The following VWF variants were observed in gnomAD, a reference collection of about 807,000 sequenced individuals.
VWF encodes the protein Factor VIII related antigen.
A neutral mutation model predicts 308.6 loss-of-function variants in VWF; 176 were observed. That is an observed-to-expected ratio of 0.57 (90% CI 0.50 to 0.65). The LOEUF (loss-of-function observed/expected upper bound fraction) is 0.65, where lower values mean the gene tolerates loss of function less well. Ranked by LOEUF, VWF falls within the 30% of genes least tolerant of loss-of-function variation. The pLI is 0.00. For synonymous variants in VWF, 1,385 were observed against 1,443.4 expected (o/e 0.96, Z 0.92); for missense variants, 3,146 against 3,648.2 (o/e 0.86, Z 3.55).
chr12:6,093,749 A>G (rs139445069), intron 6 of VWF, among the ~76,000 whole-genome samples: 62 of 152,336 alleles, frequency 4.1e-4, no homozygotes, highest in Admixed American at 2.6e-4. Context: ...CTTGCCCCAC[A>G]TAAAGCATTC....
rs59202475 is a variant in VWF, at chr12:5,964,274, G to GCATACATACATACATA, written c.7887+3211_7887+3212insTATGTATGTATGTATG. Among the ~76,000 whole-genome samples the GCATACATACATACATA allele has an allele frequency of 3.8e-4, 51 of 134,796 alleles. 1 individual carries two copies. Among genetic ancestry groups the GCATACATACATACATA allele is most frequent in the African/African-American group, 1.5e-3 (50 of 32,394 alleles). The allele number at this position is 134,796 out of a possible 152,430, so 88.4% of individuals were successfully genotyped here. A position where few individuals can be genotyped will look rare whatever the true frequency, so the allele number is the denominator to read the frequency against. ...TGCATACATACATACATACATACATGCATACATACATGCATACATACATAC... is the reference window on the plus strand; with the variant it reads ...TGCATACATACATACATACATACATGCATACATACATACATACATACATACATGCATACATACATAC... On this transcript the variant is annotated intron_variant, in intron 47 of 51. Coordinates refer to ENST00000261405, the MANE Select transcript of VWF (RefSeq NM_000552.5).
At chr12:6,038,528 T>C (rs1456991968) in intron 18 of VWF, among the ~76,000 whole-genome samples, 1 of 7,142 alleles carries the variant, frequency 1.4e-4, no homozygotes, top group African/African-American at 7.0e-4. Flanking sequence ...CAACCCACCA[T>C]GCCTCCTGTC....
chr12:5,988,430 T>C (rs909464855), intron 38 of VWF, among the ~76,000 whole-genome samples: 7 of 152,160 alleles, frequency 4.6e-5, no homozygotes, highest in Non-Finnish European at 1.0e-4. Flanking sequence ...CATGAGGGGA[T>C]GCGGAAGGAG....
chr12:6,023,137 G>T (rs1944148606), intron 25 of VWF, among the ~76,000 whole-genome samples: 1 of 152,140 alleles, frequency 6.6e-6, no homozygotes, highest in East Asian at 1.9e-4. Flanking sequence ...GCCCAGGCTG[G>T]TCTTGAACTC....
At chr12:6,055,761 TACACACACACACACACACACAC>T (rs35414262) in intron 15 of VWF, among the ~76,000 whole-genome samples, 98 of 135,348 alleles carry the variant, frequency 7.2e-4, no homozygotes, top group Middle Eastern at 3.8e-3. Context: ...TATATATGTA[TACACACACACACACACACACAC>T]ACACACACAC....
chr12:5,981,814 C>T lies in VWF; in HGVS notation c.7259G>A (p.Cys2420Tyr). Residue 2420 changes from cysteine (C) to tyrosine (Y), a missense_variant, in exon 42 of 52, where the codon TGT (cysteine) becomes TAT (tyrosine). Physicochemically the swap from Cys to Tyr is radical, Grantham distance 194. This residue lies in a region of VWF where 989 missense variants were observed against 1,117.4 expected (regional missense o/e 0.89). Transcript: ENST00000261405. ...LASTATNDCG[C>Y]TTTTCLPDKV... ...GTCGGGAAGGCAGGTGGTTGTGGTA[C>T]AGCCACAGTCATTGGTGGCAGTTGA... The T allele has an allele frequency of 6.2e-7, 1 of 1,614,178 alleles. No homozygotes were observed. Among genetic ancestry groups the T allele is most frequent in the Admixed American group, 1.7e-5 (1 of 60,024 alleles).
chr12:5,953,209 G>C (rs912787659), intron 48 of VWF, among the ~76,000 whole-genome samples: 14 of 151,758 alleles, frequency 9.2e-5, no homozygotes, highest in African/African-American at 3.4e-4. Flanking sequence ...CCTGGCAACA[G>C]AGCAAGACTC....
rs1943146304 is a variant in VWF at position 5,949,064 on chromosome 12, A to T, written c.8393T>A (p.Val2798Asp). 6.2e-7 allele frequency: 1 copy of T among 1,613,960 alleles called. No homozygotes were observed. The highest frequency in any genetic ancestry group is 8.5e-7 in the Non-Finnish European group (1 of 1,179,986). The stretch of plus-strand genomic sequence containing the variant: ...GCATTTGCACTCCATGGCATTGAGA[A>T]CCTCATGGTACACAACAGAGCCATT... ...CTNGSVVYHE[V>D]LNAMECKCSP... Residue 2798 changes from valine (V) to aspartate (D), a missense_variant, in exon 52 of 52, where the codon GTT becomes GAT. Physicochemically the swap from Val to Asp is radical, Grantham distance 152. This residue lies in a region of VWF where 989 missense variants were observed against 1,117.4 expected (regional missense o/e 0.89). Transcript: ENST00000261405.
At chr12:6,025,035 A>AG (rs1402931290) in intron 24 of VWF, among the ~76,000 whole-genome samples, 1 of 143,428 alleles carries the variant, frequency 7.0e-6, no homozygotes, top group African/African-American at 2.8e-5. Flanking sequence ...AAAAAAAAAA[A>AG]AAAGAGAGAG....
chr12:6,018,973 A>G lies in VWF; in HGVS notation c.4445T>C (p.Leu1482Pro). Residue 1482 changes from leucine to proline, a missense_variant, in exon 28 of 52, where the codon CTC becomes CCC. By Grantham distance (98) the Leu-to-Pro change is moderately conservative. Transcript: ENST00000261405. ...DMAQVTVGPG[L>P]LGVSTLGPKR... ...GGGCCCCAGGGTCGAAACCCCCAAG[A>G]GCCCCGGGCCCACAGTGACTTGTGC... 1.2e-6 allele frequency: 2 copies of G among 1,613,852 alleles called. No homozygotes were observed. Among genetic ancestry groups the G allele is most frequent in the Non-Finnish European group, 1.7e-6 (2 of 1,179,846 alleles).
intron 3 of VWF, among the ~76,000 whole-genome samples, chr12:6,112,264 G>T (rs1565394434): frequency 1.3e-5 from 2 of 152,182 alleles, no homozygotes; most frequent in African/African-American, 4.8e-5. Context: ...TGGGACGGTG[G>T]CCAGCATGAA....
intron 13 of VWF, among the ~76,000 whole-genome samples, chr12:6,061,190 G>A (rs550809814): frequency 1.3e-5 from 2 of 152,226 alleles, no homozygotes; most frequent in South Asian, 4.2e-4. Context: ...AACAGAGTGA[G>A]ACCCTCTCTC....
rs114624741 is a variant in VWF at position 5,963,820 on chromosome 12, A to C, written c.7887+3666T>G. Among the ~76,000 whole-genome samples the C allele has an allele frequency of 4.4e-3, 664 of 152,330 alleles. 2 individuals carry two copies. The highest frequency in any genetic ancestry group is 0.015 in the African/African-American group (606 of 41,572). The stretch of plus-strand genomic sequence containing the variant: ...TTATTTATATCTGCATCGGACAAAG[A>C]AGCAGCTTCGAGACACAGGACTGGG... On this transcript the variant is annotated intron_variant, in intron 47 of 51. Coordinates refer to ENST00000261405, the MANE Select transcript of VWF (RefSeq NM_000552.5).
intron 5 of VWF, among the ~76,000 whole-genome samples, chr12:6,099,342 C>A (rs1189784887): frequency 3.3e-4 from 46 of 140,138 alleles, no homozygotes; most frequent in Admixed American, 7.8e-4. Flanking sequence ...AAAAAAAAAA[C>A]CAAGGAAGCA....
rs1945430638 is a variant in VWF at position 6,121,444 on chromosome 12, C to T, written c.56-106G>A. ...GAAATTAGACTGCCTCTGATAGAAA[C>T]TGGGCTGTGGGGAGGTATTTTCCAT... On this transcript the variant is annotated intron_variant, in intron 2 of 51. Transcript: ENST00000261405. 2.8e-6 allele frequency: 4 copies of T among 1,420,176 alleles called. No individual in the cohort carries two copies. In the South Asian group the frequency reaches 4.9e-5, roughly 17 times the overall value. 88.0% of individuals were successfully genotyped at this position (1,420,176 alleles called of 1,614,324 possible). A position where few individuals can be genotyped will look rare whatever the true frequency, so the allele number is the denominator to read the frequency against.
intron 37 of VWF, among the ~76,000 whole-genome samples, chr12:5,992,928 G>A (rs950198049): frequency 6.6e-6 from 1 of 152,198 alleles, no homozygotes; most frequent in Non-Finnish European, 1.5e-5. Flanking sequence ...ATTGGGAGGA[G>A]GCAGTATCAT....
At chr12:5,985,441 A>T in intron 39 of VWF, 122 bp downstream of exon 39, 1 of 1,120,114 alleles carries the variant, frequency 8.9e-7, no homozygotes, top group Non-Finnish European at 1.3e-6. Flanking sequence ...AAGCCCACCC[A>T]CTCTAGGACT....
At chr12:5,979,006 C>T (rs1279028665) in intron 42 of VWF, among the ~76,000 whole-genome samples, 1 of 152,158 alleles carries the variant, frequency 6.6e-6, no homozygotes, top group Admixed American at 6.5e-5. Context: ...CCCATTTACC[C>T]CAGGGAGGAC....
chr12:5,964,073 T>C (rs577085227), intron 47 of VWF, among the ~76,000 whole-genome samples: 50 of 151,944 alleles, frequency 3.3e-4, no homozygotes, highest in Middle Eastern at 6.8e-3. Flanking sequence ...AAAAATTAGC[T>C]GGGCATGGCG....
Sources: allele counts gnomAD v4.1 joint callset (sites outside exome capture counted in the v4.1 genomes callset), GRCh38; gene constraint gnomAD v4.1.1; regional missense constraint gnomAD v4.1.1; transcripts MANE v1.5; gene names NCBI Gene and HGNC (gene_info 2026-07-23, HGNC 2026-07-21).